TBC1D10A: variants seen among roughly 807,000 people sequenced by gnomAD.
The protein encoded by TBC1D10A is EBP50-PDX interactor of 64 kDa.
Under a neutral mutation model 52.9 loss-of-function variants are expected in TBC1D10A, and 24 were observed. That is an observed-to-expected ratio of 0.45 (90% confidence interval 0.33 to 0.64). TBC1D10A has a LOEUF of 0.64. TBC1D10A is among the 30% of genes least tolerant of loss of function. The pLI is 0.02. For missense variants in TBC1D10A, 602 were observed against 687.9 expected (o/e 0.88, Z 1.40); for synonymous variants, 278 against 282.9 (o/e 0.98, Z 0.17).
rs1424509183 is a variant in TBC1D10A, at chr22:30,297,414, A to AC, written c.418-1572dup. 1 of 152,104 alleles carries AC rather than the reference A, an allele frequency of 6.6e-6. No homozygotes were observed. The highest frequency in any genetic ancestry group is 1.9e-4 in the East Asian group (1 of 5,176). 9.4% of individuals were successfully genotyped at this position (152,104 alleles called of 1,614,324 possible). Reference sequence around the variant, plus strand: ...GTTCCCATGAGGTAGGAACCCGAAAACCCCGGAAGTCAGTTCCTAGGATGT... The same window carrying AC: ...GTTCCCATGAGGTAGGAACCCGAAAACCCCCGGAAGTCAGTTCCTAGGATGT... On this transcript the variant is annotated intron_variant, in intron 3 of 8. Transcript: ENST00000215790. This position sits in a 1 kb window ranked among gnomAD's most constrained non-coding sequence, Gnocchi z 4.3.
chr22:30,296,941 A>AC (rs1482325000), intron 3 of TBC1D10A: 1 of 152,294 alleles, frequency 6.6e-6, no homozygotes, highest in Non-Finnish European at 1.5e-5. Context: ...TGGTTTAAGT[A>AC]CAAGTTGCCT....
rs757063393 is a variant in TBC1D10A, at chr22:30,293,893, G to A, written c.895+28C>T. 3 of 1,606,400 alleles carry A rather than the reference G, an allele frequency of 1.9e-6. No homozygotes were observed. The African/African-American group carries it at 4.0e-5, about 21-fold the overall frequency. ...CCCACTGTGGGCTGCTGGGGACAGGGGTGCTCCCCCCAAGCCCAGCCCAGT... is the reference window on the plus strand; with the variant it reads ...CCCACTGTGGGCTGCTGGGGACAGGAGTGCTCCCCCCAAGCCCAGCCCAGT... On this transcript the variant is annotated intron_variant, in intron 7 of 8. Coordinates refer to ENST00000215790, the MANE Select transcript of TBC1D10A (RefSeq NM_031937.3).
chr22:30,326,445 G>A (rs1930775535), intron 1 of TBC1D10A, among the ~76,000 whole-genome samples: 1 of 151,312 alleles, frequency 6.6e-6, no homozygotes, highest in Admixed American at 6.6e-5. Flanking sequence ...GAGGGTGGAG[G>A]TGGCGGGTGG....
rs768962153 is a variant in TBC1D10A at position 30,295,783 on chromosome 22, G to A, written c.478C>T (p.Arg160Trp). The A allele has an allele frequency of 3.1e-6, 5 of 1,613,912 alleles. No homozygotes were observed. The highest frequency in any genetic ancestry group is 1.6e-4 in the Middle Eastern group (1 of 6,084). The change falls in exon 4 of 9, where the codon CGG becomes TGG. Residue 160 changes from arginine to tryptophan, a missense_variant. By Grantham distance (101) the Arg-to-Trp change is moderately radical. This residue lies in a region of TBC1D10A where 136 missense variants were observed against 208.4 expected (regional missense o/e 0.65). Transcript: ENST00000215790. ...AACATCTCATGGAATGGGAACTGCC[G>A]GTGCAGGTCACGCTCAATCACGTCC... ...WLDVIERDLH[R>W]QFPFHEMFVS...
In TBC1D10A at chr22:30,297,195, G is replaced by C. The variant is rs1470440974; in HGVS notation, c.418-1352C>G. 6.6e-6 allele frequency: 1 copy of C among 152,494 alleles called. No homozygotes were observed. The highest frequency in any genetic ancestry group is 1.5e-5 in the Non-Finnish European group (1 of 68,196). 9.4% of individuals were successfully genotyped at this position (152,494 alleles called of 1,614,324 possible). ...TGACAGAGTGTTCAGGGCTGGAGGG[G>C]ACAGGGAGGGGCTGGGGCCTCCACA... On this transcript the variant is annotated intron_variant, in intron 3 of 8. Coordinates refer to ENST00000215790, the MANE Select transcript of TBC1D10A (RefSeq NM_031937.3). The surrounding 1 kb of genome is among the most constrained non-coding windows in gnomAD (Gnocchi z 4.3).
Position 30,292,818 on chromosome 22 carries a change from C to T in TBC1D10A, c.1084G>A (p.Glu362Lys). 6.2e-7 allele frequency: 1 copy of T among 1,611,476 alleles called. No individual in the cohort carries two copies. The highest frequency in any genetic ancestry group is 8.5e-7 in the Non-Finnish European group (1 of 1,179,940). ...CGCAGCTGAATGAGGTGTTCGCGCT[C>T]AATCTGGCGCTCTGTCACGGGCAAC... ...VELPVTERQI[E>K]REHLIQLRRW... Residue 362 changes from glutamate (E) to lysine (K), a missense_variant, in exon 9 of 9, where the codon GAG (glutamate) becomes AAG (lysine). By Grantham distance (56) the Glu-to-Lys change is moderately conservative. Coordinates refer to ENST00000215790, the MANE Select transcript of TBC1D10A (RefSeq NM_031937.3).
rs141926586 is a variant in TBC1D10A at position 30,317,717 on chromosome 22, C to G, written c.209+8956G>C. ...GCAGCCTCAAACTCCCAGGCTCAGC[C>G]TCAGCCTCTGTAGTAGCTAGGACTA... On this transcript the variant is annotated intron_variant, in intron 1 of 8. Coordinates refer to ENST00000215790, the MANE Select transcript of TBC1D10A (RefSeq NM_031937.3). 2.8e-3 allele frequency among the ~76,000 whole-genome samples: 423 copies of G among 152,322 alleles called. 2 individuals are homozygous for G. The highest frequency in any genetic ancestry group is 9.1e-3 in the African/African-American group (379 of 41,576).
intron 1 of TBC1D10A, among the ~76,000 whole-genome samples, chr22:30,310,077 A>G (rs1458086900): frequency 6.6e-6 from 1 of 152,212 alleles, no homozygotes; most frequent in East Asian, 1.9e-4. Context: ...CATAGGGGAA[A>G]CCAGGTGGGG....
Position 30,293,698 on chromosome 22 carries a change from G to T in TBC1D10A, c.1003C>A (p.Arg335=), listed in dbSNP as rs750046438. Residue 335 remains arginine (R), a synonymous_variant, in exon 8 of 9, where the codon CGG becomes AGG. Coordinates refer to ENST00000215790, the MANE Select transcript of TBC1D10A (RefSeq NM_031937.3). ...QGQYETIERL[R]SLSPKIMQEA... Reference sequence around the variant, plus strand: ...TGCATGATCTTGGGGCTGAGGCTCCGCAGTCGCTCGATGGTCTCGTACTGG... The same window carrying T: ...TGCATGATCTTGGGGCTGAGGCTCCTCAGTCGCTCGATGGTCTCGTACTGG... 1.1e-5 allele frequency: 18 copies of T among 1,612,496 alleles called. No individual in the cohort carries two copies. The East Asian group carries it at 2.9e-4, about 26-fold the overall frequency.
At position 30,294,879 on chromosome 22, in the gene TBC1D10A, G is replaced by A. The variant is rs1930039797; in HGVS notation, c.640-18C>T. The stretch of plus-strand genomic sequence containing the variant: ...AAGGCTTGCTGTGGGCAAGAGAGAT[G>A]TGAGGCCTTGCCGTTGGGGGTTCCC... On this transcript the variant is annotated intron_variant, in intron 5 of 8. Transcript: ENST00000215790. 8.1e-6 allele frequency: 13 copies of A among 1,614,014 alleles called. No individual in the cohort carries two copies. The highest frequency in any genetic ancestry group is 1.0e-5 in the Non-Finnish European group (12 of 1,180,032).
Position 30,299,551 on chromosome 22 carries a change from T to C in TBC1D10A, c.310A>G (p.Ile104Val), listed in dbSNP as rs1239735165. Residue 104 changes from isoleucine (I) to valine (V), a missense_variant and splice_region_variant, in exon 3 of 9, where the codon ATT becomes GTT. Transcript: ENST00000215790. ...DKWMAKKHKK[I>V]RLRCQKGIPP... ...ATGCCCTTTTGGCACCGCAGACGAA[T>C]CTGAAAATCAAAAGGACAGCTGAGC... The C allele has an allele frequency of 8.7e-6, 14 of 1,613,876 alleles. No homozygotes were observed. The highest frequency in any genetic ancestry group is 1.2e-5 in the Non-Finnish European group (14 of 1,179,848).
At chr22:30,309,838 T>C (rs1354728312) in intron 1 of TBC1D10A, among the ~76,000 whole-genome samples, 1 of 152,214 alleles carries the variant, frequency 6.6e-6, no homozygotes, top group Non-Finnish European at 1.5e-5. Context: ...GACATCTGCT[T>C]TCTGCCCAAG....
chr22:30,304,617 G>C lies in TBC1D10A; in HGVS notation c.223C>G (p.Pro75Ala). The C allele has an allele frequency of 6.2e-7, 1 of 1,613,986 alleles. No homozygotes were observed. Among genetic ancestry groups the C allele is most frequent in the Non-Finnish European group, 8.5e-7 (1 of 1,179,940 alleles). The change falls in exon 2 of 9, where the codon CCC becomes GCC. Residue 75 changes from proline to alanine, a missense_variant. Physicochemically the swap from Pro to Ala is conservative, Grantham distance 27. Coordinates refer to ENST00000215790, the MANE Select transcript of TBC1D10A (RefSeq NM_031937.3). ...QGAEGALEEV[P>A]LEVLRQRESK... ...TCCCTCTGCCTCAGCACCTCCAGGG[G>C]TACTTCCTCCAGCCTGTGGAGCAGA...
chr22:30,299,375 G>T, intron 3 of TBC1D10A, 69 bp downstream of exon 3: 1 of 1,485,466 alleles, frequency 6.7e-7, no homozygotes, highest in Non-Finnish European at 9.4e-7. Flanking sequence ...AGCACATGGA[G>T]GATTGCCGCC....
intron 1 of TBC1D10A, among the ~76,000 whole-genome samples, chr22:30,317,101 G>A (rs1237570073): frequency 6.6e-6 from 1 of 152,048 alleles, no homozygotes; most frequent in Admixed American, 6.5e-5. Context: ...GGGGAAAACC[G>A]AGGTTAAAAA....
chr22:30,310,275 G>C (rs2145776805), intron 1 of TBC1D10A, among the ~76,000 whole-genome samples: 1 of 152,340 alleles, frequency 6.6e-6, no homozygotes, highest in Non-Finnish European at 1.5e-5. Flanking sequence ...GGCCCAGCCT[G>C]GTGGGTGGCC....
At chr22:30,315,761 G>A (rs1193146146) in intron 1 of TBC1D10A, among the ~76,000 whole-genome samples, 10 of 152,178 alleles carry the variant, frequency 6.6e-5, no homozygotes, top group African/African-American at 2.4e-4. Flanking sequence ...TTGTCTTGGG[G>A]TACATATGAG....
intron 2 of TBC1D10A, among the ~76,000 whole-genome samples, chr22:30,303,798 C>G (rs979290038): frequency 2.6e-5 from 4 of 152,184 alleles, no homozygotes; most frequent in Admixed American, 1.3e-4. Context: ...TGAGGGCAGC[C>G]AAGGATATCA....
intron 1 of TBC1D10A, among the ~76,000 whole-genome samples, chr22:30,312,565 TAACAAC>T (rs960773778): frequency 6.6e-6 from 1 of 151,864 alleles, no homozygotes; most frequent in African/African-American, 2.4e-5. Flanking sequence ...CAAAGAACAA[TAACAAC>T]AACAACAACA....
Sources: gnomAD v4.1 joint callset for allele counts (sites outside exome capture counted in the v4.1 genomes callset) on GRCh38, gnomAD v4.1.1 for gene constraint, gnomAD v4.1.1 regional missense constraint, Gnocchi (gnomAD v3.1) non-coding constraint, MANE v1.5 for transcripts, NCBI Gene and HGNC (gene_info 2026-07-23, HGNC 2026-07-21) for gene names.